CDH13: variants seen among roughly 807,000 people sequenced by gnomAD.
CDH13 encodes the protein cadherin-13.
A neutral mutation model predicts 63.8 loss-of-function variants in CDH13; 24 were observed. The observed-to-expected ratio is 0.38, with a 90% CI of 0.27 to 0.53. The LOEUF is 0.53. Among genes scored for constraint, CDH13 ranks in the 20% least tolerant of loss-of-function variants. The probability of loss-of-function intolerance (pLI) is 0.85; values close to 1 mark genes in which losing one functional copy is unlikely to be tolerated. For missense variants in CDH13, 1,049 were observed against 903.1 expected (o/e 1.16, Z -2.07); for synonymous variants, 503 against 355.3 (o/e 1.42, Z -4.67).
chr16:83,392,141 C>T (rs985590217), intron 6 of CDH13, among the ~76,000 whole-genome samples: 1 of 152,152 alleles, frequency 6.6e-6, no homozygotes, highest in Non-Finnish European at 1.5e-5. Flanking sequence ...TCTGTTAACC[C>T]TGCCTTGAAT....
At chr16:83,288,251 C>G (rs1038137330) in intron 5 of CDH13, among the ~76,000 whole-genome samples, 4 of 152,190 alleles carry the variant, frequency 2.6e-5, no homozygotes, top group African/African-American at 9.6e-5. Context: ...ACTCTTAGCG[C>G]CTGTCCTTGA....
At chr16:82,840,766 T>C (rs1009018840) in intron 1 of CDH13, among the ~76,000 whole-genome samples, 2 of 151,454 alleles carry the variant, frequency 1.3e-5, no homozygotes, top group African/African-American at 2.4e-5. Context: ...ACAGTAAATA[T>C]GGAAGCTGCT....
intron 2 of CDH13, among the ~76,000 whole-genome samples, chr16:82,877,922 T>TAGACACAC (rs2040559033): frequency 2.3e-5 from 1 of 43,000 alleles, no homozygotes; most frequent in Admixed American, 2.1e-4. Context: ...TACATACACA[T>TAGACACAC]AGACACACAC....
intron 2 of CDH13, among the ~76,000 whole-genome samples, chr16:82,883,151 A>G (rs972258090): frequency 3.3e-5 from 5 of 152,218 alleles, no homozygotes; most frequent in African/African-American, 1.2e-4. Context: ...AGAAGAGATA[A>G]GAAATGAGAG....
chr16:83,207,762 TAAAA>T (rs57095409), intron 4 of CDH13, among the ~76,000 whole-genome samples: 10,999 of 124,800 alleles, frequency 0.088, 1,045 homozygotes, highest in African/African-American at 0.25. Context: ...ATACTCTCCT[TAAAA>T]AAAAAAAAAA....
At chr16:83,765,237 T>A (rs1405965785) in intron 11 of CDH13, among the ~76,000 whole-genome samples, 3 of 152,178 alleles carry the variant, frequency 2.0e-5, no homozygotes, top group African/African-American at 7.2e-5. Context: ...TCCCAGTAAA[T>A]GGTTATTGAC....
intron 3 of CDH13, among the ~76,000 whole-genome samples, chr16:83,112,136 T>G (rs2151622928): frequency 6.6e-6 from 1 of 152,378 alleles, no homozygotes; most frequent in Middle Eastern, 3.4e-3. Context: ...CTGGGTTTCC[T>G]TCTTGATTTC....
At chr16:83,389,052 A>G (rs373248641) in intron 6 of CDH13, among the ~76,000 whole-genome samples, 5 of 152,242 alleles carry the variant, frequency 3.3e-5, no homozygotes, top group Admixed American at 6.5e-5. Context: ...CTGAGAATCC[A>G]CAGGCTTAAC....
intron 3 of CDH13, among the ~76,000 whole-genome samples, chr16:83,035,660 G>A (rs779664261): frequency 5.3e-5 from 8 of 152,168 alleles, no homozygotes; most frequent in African/African-American, 1.9e-4. Flanking sequence ...GGACTTTGAA[G>A]GACGGGTCAT....
At chr16:83,781,798 A>G (rs754903461) in intron 12 of CDH13, among the ~76,000 whole-genome samples, 2 of 152,066 alleles carry the variant, frequency 1.3e-5, no homozygotes. Context: ...GGTGAGCATC[A>G]GGATAAATAG....
At chr16:82,799,873 C>A (rs540606686) in intron 1 of CDH13, among the ~76,000 whole-genome samples, 1 of 152,262 alleles carries the variant, frequency 6.6e-6, no homozygotes, top group African/African-American at 2.4e-5. Flanking sequence ...GGCTTTATGG[C>A]AACCCACTAC....
At chr16:83,201,249 C>T (rs966898520) in intron 4 of CDH13, among the ~76,000 whole-genome samples, 2 of 151,960 alleles carry the variant, frequency 1.3e-5, no homozygotes, top group East Asian at 3.9e-4. Context: ...CTGTTCACAG[C>T]AGAGAACAAA....
intron 8 of CDH13, among the ~76,000 whole-genome samples, chr16:83,618,775 A>G (rs1225417498): frequency 6.7e-6 from 1 of 150,330 alleles, no homozygotes; most frequent in Non-Finnish European, 1.5e-5. Flanking sequence ...CAATGTTAAT[A>G]AATAATACAT....
chr16:83,604,170 C>T (rs1202359663), intron 8 of CDH13, among the ~76,000 whole-genome samples: 2 of 152,122 alleles, frequency 1.3e-5, no homozygotes, highest in Admixed American at 1.3e-4. Flanking sequence ...ATGGCTCACT[C>T]AGGAGGTAGA....
At chr16:82,700,592 A>C (rs1313282687) in intron 1 of CDH13, among the ~76,000 whole-genome samples, 4 of 151,814 alleles carry the variant, frequency 2.6e-5, no homozygotes, top group South Asian at 4.2e-4. Flanking sequence ...GGGATTAAGA[A>C]GTCTGGATTT....
chr16:82,837,711 C>T (rs1468935467), intron 1 of CDH13, among the ~76,000 whole-genome samples: 4 of 152,232 alleles, frequency 2.6e-5, no homozygotes, highest in East Asian at 3.9e-4. Context: ...GCTCAGTGCC[C>T]GAGTTTTTAC....
intron 5 of CDH13, among the ~76,000 whole-genome samples, chr16:83,239,727 C>CAATCACTA (rs893711466): frequency 6.6e-6 from 1 of 152,194 alleles, no homozygotes; most frequent in Non-Finnish European, 1.5e-5. Flanking sequence ...TACTACCTAT[C>CAATCACTA]AATCACTATT....
At chr16:82,927,018 G>C (rs1032524138) in intron 2 of CDH13, among the ~76,000 whole-genome samples, 4 of 126,852 alleles carry the variant, frequency 3.2e-5, no homozygotes, top group Admixed American at 1.4e-4. Flanking sequence ...TAGCTTGAAG[G>C]CTGGGGTAAC....
At chr16:83,553,078 C>CA (rs55928810) in intron 7 of CDH13, among the ~76,000 whole-genome samples, 1,633 of 134,282 alleles carry the variant, frequency 0.012, 30 homozygotes, top group African/African-American at 0.041. Flanking sequence ...GACTCCATCT[C>CA]AAAAAAAAAA....
Sources: gnomAD v4.1 joint callset for allele counts (sites outside exome capture counted in the v4.1 genomes callset) on GRCh38, gnomAD v4.1.1 for gene constraint, MANE v1.5 for transcripts, NCBI Gene and HGNC (gene_info 2026-07-23, HGNC 2026-07-21) for gene names.